Variants in LILRB5 observed in about 807,000 individuals in gnomAD.
LILRB5 encodes leukocyte immunoglobulin like receptor B5.
LILRB5 carries 61 observed loss-of-function variants against 68.4 expected under a neutral mutation model. The observed-to-expected ratio is 0.89, with a 90% CI of 0.73 to 1.10. The LOEUF (loss-of-function observed/expected upper bound fraction) is 1.10. Ranked by LOEUF, LILRB5 falls within the 50% of genes least tolerant of loss-of-function variation. LILRB5 has a pLI of 0.00. For synonymous variants in LILRB5, 356 were observed against 315.8 expected (o/e 1.13, Z -1.35); for missense variants, 771 against 751.6 (o/e 1.03, Z -0.30).
Position 54,254,859 on chromosome 19 carries a change from C to T in LILRB5, c.1131G>A (p.Gln377=). The T allele has an allele frequency of 2.5e-6, 4 of 1,614,148 alleles. No homozygotes were observed. The highest frequency in any genetic ancestry group is 3.4e-6 in the Non-Finnish European group (4 of 1,179,998). ...LKSKYQSYRH[Q]AEFSMSPVTS... ...TCACAGGACTCATGGAGAATTCAGCCTGGTGTCTATAAGACTGGTACTTTG... is the reference window on the plus strand; with the variant it reads ...TCACAGGACTCATGGAGAATTCAGCTTGGTGTCTATAAGACTGGTACTTTG... Residue 377 remains glutamine (Q), a synonymous_variant, in exon 6 of 13, where the codon CAG becomes CAA. Transcript: ENST00000449561.
chr19:54,257,228 G>C lies in LILRB5; in HGVS notation c.-35C>G, dbSNP rs372226219. 1 of 1,614,010 alleles carries C rather than the reference G, an allele frequency of 6.2e-7. No individual in the cohort carries two copies. The highest frequency in any genetic ancestry group is 8.5e-7 in the Non-Finnish European group (1 of 1,179,912). On this transcript the variant is annotated 5_prime_UTR_variant, in exon 1 of 13. Coordinates refer to ENST00000449561, the MANE Select transcript of LILRB5 (RefSeq NM_001081442.3). ...TCCCACTGGACTCAGCTGTGCAGGC[G>C]GATGAGACCACGGTGCCTGGCAGGA...
Position 54,254,991 on chromosome 19 carries a change from C to T in LILRB5, c.999G>A (p.Lys333=), listed in dbSNP as rs199747811. ...GGGTCACGTTCTCTCCTGAGGCCAC[C>T]TTGGGGCCCGGCTGCACCGAGAGGG... The part of the protein sequence containing the change: ...IPALSVQPGP[K]VASGENVTLL... Residue 333 remains lysine, a synonymous_variant, in exon 6 of 13, where the codon AAG becomes AAA. Coordinates refer to ENST00000449561, the MANE Select transcript of LILRB5 (RefSeq NM_001081442.3). 8.1e-6 allele frequency: 13 copies of T among 1,612,318 alleles called. No individual in the cohort carries two copies. The highest frequency in any genetic ancestry group is 1.1e-5 in the Non-Finnish European group (13 of 1,179,168).
chr19:54,251,590 G>A (rs1482478111), intron 12 of LILRB5: 3 of 572,314 alleles, frequency 5.2e-6, no homozygotes, highest in East Asian at 4.0e-5. Context: ...CTTACAGCAC[G>A]TTGCACTCCT....
chr19:54,253,554 G>A, intron 8 of LILRB5: 1 of 384,552 alleles, frequency 2.6e-6, no homozygotes, highest in Non-Finnish European at 4.8e-6. Flanking sequence ...ACAGGGCCAG[G>A]TCCCATGATT....
intron 8 of LILRB5, chr19:54,253,619 G>C (rs1176934073): frequency 1.9e-6 from 1 of 520,790 alleles, no homozygotes; most frequent in Non-Finnish European, 3.5e-6. Flanking sequence ...CCAGTTTACA[G>C]CTGCTGAAAC....
In LILRB5 at chr19:54,255,426, G is replaced by C. The variant is rs1157390920; in HGVS notation, c.812C>G (p.Pro271Arg). ...GTTGGCCTGGGAGAGCCCAGCCTGG[G>C]GCTGCTGGCCAGAGCCCTGGACGAG... is the stretch of plus-strand genomic sequence containing the variant. Reference protein sequence around the residue: ...HDLVQGSGQQPQAGLSQANFT... With the variant: ...HDLVQGSGQQRQAGLSQANFT... The change falls in exon 5 of 13, where the codon CCC (proline) becomes CGC (arginine). Residue 271 changes from proline to arginine, a missense_variant. Transcript: ENST00000449561. The C allele has an allele frequency of 6.2e-7, 1 of 1,614,104 alleles. No homozygotes were observed.
Position 54,256,115 on chromosome 19 carries a change from A to T in LILRB5, c.583T>A (p.Cys195Ser). The change falls in exon 4 of 13, where the codon TGC becomes AGC. Residue 195 changes from cysteine to serine, a missense_variant. Physicochemically the swap from Cys to Ser is moderately radical, Grantham distance 112. Transcript: ENST00000449561. ...VTPSCRWRFR[C>S]YYYYRKNPQV... ...GGGTTTTTCCTGTAATAGTAATAGC[A>T]TCTGAACCTCCACCTGCAGCTGGGG... is the stretch of plus-strand genomic sequence containing the variant. The T allele has an allele frequency of 6.2e-7, 1 of 1,607,420 alleles. No individual in the cohort carries two copies. Among genetic ancestry groups the T allele is most frequent in the South Asian group, 1.1e-5 (1 of 90,460 alleles).
intron 8 of LILRB5, 94 bp from the exon 9 acceptor site, chr19:54,253,081 CA>C (rs148540067): frequency 0.028 from 17,524 of 631,110 alleles, 306 homozygotes; most frequent in Non-Finnish European, 0.034. Context: ...TCATGAGCTC[CA>C]ACCCTCACAG....
chr19:54,250,382 G>C lies in LILRB5; in HGVS notation c.*404C>G, dbSNP rs1428534415. 5.5e-6 allele frequency: 1 copy of C among 180,844 alleles called. No individual in the cohort carries two copies. The highest frequency in any genetic ancestry group is 2.4e-5 in the African/African-American group (1 of 41,974). The allele number at this position is 180,844 out of a possible 1,614,324, so 11.2% of individuals were successfully genotyped here. On this transcript the variant is annotated 3_prime_UTR_variant, in exon 13 of 13. Transcript: ENST00000449561. ...CTCACACCTTCATTTGGAATAATTT[G>C]TTGTTCTTTTTCTAAATTCTTTCTG...
Position 54,252,958 on chromosome 19 carries a change from C to CA in LILRB5, c.1386dup (p.Gly463TrpfsTer57). 1.3e-6 allele frequency: 2 copies of CA among 1,577,282 alleles called. No individual in the cohort carries two copies. The highest frequency in any genetic ancestry group is 1.7e-6 in the Non-Finnish European group (2 of 1,156,994). On this transcript the variant is annotated frameshift_variant, in exon 9 of 13. Coordinates refer to ENST00000449561, the MANE Select transcript of LILRB5 (RefSeq NM_001081442.3). LOFTEE classifies it high-confidence loss of function. ...AGCAGGACGAAGGCCACTGAGACCC[C>CA]AGTCACAACCCCCAGGTGCCTTCCC... is the stretch of plus-strand genomic sequence containing the variant.
At position 54,253,005 on chromosome 19, in the gene LILRB5, T is replaced by C. The variant is rs192343312; in HGVS notation, c.1358-18A>G. The C allele has an allele frequency of 2.6e-6, 4 of 1,512,570 alleles. No individual in the cohort carries two copies. The highest frequency in any genetic ancestry group is 1.8e-5 in the Admixed American group (1 of 55,646). 93.7% of individuals were successfully genotyped at this position (1,512,570 alleles called of 1,614,324 possible). ...TCCCAGACCTTGAGCGTGATGACGTTGGGAATGGGGATGACGTCATTGATG... is the reference window on the plus strand; with the variant it reads ...TCCCAGACCTTGAGCGTGATGACGTCGGGAATGGGGATGACGTCATTGATG... On this transcript the variant is annotated intron_variant, in intron 8 of 12. Transcript: ENST00000449561.
rs150778096 is a variant in LILRB5 at position 54,257,160 on chromosome 19, C to G, written c.34G>C (p.Gly12Arg). The G allele has an allele frequency of 1.8e-3, 2,830 of 1,614,058 alleles. 3 individuals are homozygous for G. Among genetic ancestry groups the G allele is most frequent in the Non-Finnish European group, 2.2e-3 (2,651 of 1,180,028 alleles). Residue 12 changes from glycine (G) to arginine (R), a missense_variant and splice_region_variant, in exon 1 of 13, where the codon GGG (glycine) becomes CGG (arginine). By Grantham distance (125) the Gly-to-Arg change is moderately radical. Coordinates refer to ENST00000449561, the MANE Select transcript of LILRB5 (RefSeq NM_001081442.3). ...TLTLSVLICL[G>R]LSVGPRTCVQ... is the part of the protein sequence containing the mutation. ...TTCCTTCCCCCTCTTCAAACCTCAC[C>G]GAGGCAAATCAGGACTGAGAGGGTG...
chr19:54,253,736 CGG>C, intron 8 of LILRB5: 1 of 1,149,148 alleles, frequency 8.7e-7, no homozygotes, highest in Admixed American at 2.1e-5. Context: ...TGCACCTGAG[CGG>C]AGCCCCGGAG....
In LILRB5 at chr19:54,256,688, GGGCC is replaced by G; in HGVS notation, c.152_155del (p.Gly51AlafsTer76). ...CCAGACGGTACTCCTCAGTCTCCAG[GGGCC>G]CCTGACACCAGAGGGTCACGGGCTT... On this transcript the variant is annotated frameshift_variant, in exon 3 of 13. Transcript: ENST00000449561. LOFTEE classifies it high-confidence loss of function. 6.2e-7 allele frequency: 1 copy of G among 1,614,130 alleles called. No individual in the cohort carries two copies.
In LILRB5 at chr19:54,254,580, G is replaced by T. The variant is rs778707088; in HGVS notation, c.1255+155C>A. ...TGGGCATGCCTGGGGAGCCCCCGTT[G>T]TCCTCCTCCCCTCTGAGGGGTGAGT... On this transcript the variant is annotated intron_variant, in intron 6 of 12. Coordinates refer to ENST00000449561, the MANE Select transcript of LILRB5 (RefSeq NM_001081442.3). 2.4e-6 allele frequency: 3 copies of T among 1,230,266 alleles called. No individual in the cohort carries two copies. The East Asian group carries it at 7.6e-5, about 31-fold the overall frequency. 76.2% of individuals were successfully genotyped at this position (1,230,266 alleles called of 1,614,324 possible).
rs749446390 is a variant in LILRB5 at position 54,254,648 on chromosome 19, G to A, written c.1255+87C>T. ...CCCCTCAAACCCTCCCCCCCGCACC[G>A]CGACTCCATCCCAGCCCAGAGCTCT... On this transcript the variant is annotated intron_variant, in intron 6 of 12. Coordinates refer to ENST00000449561, the MANE Select transcript of LILRB5 (RefSeq NM_001081442.3). The A allele has an allele frequency of 5.0e-5, 76 of 1,531,844 alleles. 1 individual carries two copies. In the South Asian group the frequency reaches 6.8e-4, roughly 14 times the overall value. The allele number at this position is 1,531,844 out of a possible 1,614,324, so 94.9% of individuals were successfully genotyped here.
chr19:54,255,985 T>C, intron 4 of LILRB5, 58 bp downstream of exon 4: 2 of 1,387,916 alleles, frequency 1.4e-6, no homozygotes, highest in Non-Finnish European at 2.0e-6. Context: ...TCAACCAAAC[T>C]CCCAACAACC....
At chr19:54,252,127 G>A (rs758728065) in intron 11 of LILRB5, 21 bp from the exon 12 acceptor site, 1 of 1,613,490 alleles carries the variant, frequency 6.2e-7, no homozygotes, top group Non-Finnish European at 8.5e-7. Context: ...AGAGCAAGGG[G>A]TTCATCTCCT....
intron 4 of LILRB5, 155 bp downstream of exon 4, chr19:54,255,888 C>A: frequency 1.4e-6 from 1 of 689,830 alleles, no homozygotes; most frequent in African/African-American, 1.8e-5. Context: ...CTCCTGTTTC[C>A]CCATCTGAGC....
Sources: gnomAD v4.1 joint callset for allele counts on GRCh38, gnomAD v4.1.1 for gene constraint, MANE v1.5 for transcripts, NCBI Gene and HGNC (gene_info 2026-07-23, HGNC 2026-07-21) for gene names.